The following CNTRL variants were observed in gnomAD, a reference collection of about 807,000 sequenced individuals.
CNTRL encodes the protein 110 kDa centrosomal protein.
Under a neutral mutation model 303.7 loss-of-function variants are expected in CNTRL, and 233 were observed. That is an observed-to-expected ratio of 0.77 (90% CI 0.69 to 0.86). The LOEUF is 0.86. CNTRL is among the 40% of genes least tolerant of loss of function. The pLI, the probability that CNTRL is intolerant of heterozygous loss-of-function variation, is 0.00. For missense variants in CNTRL, 2,524 were observed against 2,650.6 expected (o/e 0.95, Z 1.05); for synonymous variants, 900 against 922.2 (o/e 0.98, Z 0.44).
chr9:121,157,560 G>A lies in CNTRL; in HGVS notation c.4456G>A (p.Glu1486Lys), dbSNP rs752652281. ...DAEELERRAQ[E>K]TAVNLVKADQ... ...TGAGGAATTAGAAAGGAGAGCTCAGGAAACTGCTGTTAACCTCGTCAAAGC... is the reference window on the plus strand; with the variant it reads ...TGAGGAATTAGAAAGGAGAGCTCAGAAAACTGCTGTTAACCTCGTCAAAGC... The change falls in exon 28 of 44, where the codon GAA (glutamate) becomes AAA (lysine). Residue 1486 changes from glutamate to lysine, a missense_variant. Coordinates refer to ENST00000373855, the MANE Select transcript of CNTRL (RefSeq NM_007018.6). 6.2e-7 allele frequency: 1 copy of A among 1,614,174 alleles called. No homozygotes were observed. The highest frequency in any genetic ancestry group is 1.1e-5 in the South Asian group (1 of 91,078).
Position 121,157,534 on chromosome 9 carries a change from C to G in CNTRL, c.4430C>G (p.Ala1477Gly). Residue 1477 changes from alanine (A) to glycine (G), a missense_variant, in exon 28 of 44, where the codon GCT becomes GGT. Ala to Gly is a moderately conservative substitution (Grantham distance 60). Coordinates refer to ENST00000373855, the MANE Select transcript of CNTRL (RefSeq NM_007018.6). ...AGTTTATTGCAAACTGAGTCAGATGCTGAGGAATTAGAAAGGAGAGCTCAG... is the reference window on the plus strand; with the variant it reads ...AGTTTATTGCAAACTGAGTCAGATGGTGAGGAATTAGAAAGGAGAGCTCAG... The part of the protein sequence containing the change: ...KRSLLQTESD[A>G]EELERRAQET... The G allele has an allele frequency of 6.2e-7, 1 of 1,614,052 alleles. No individual in the cohort carries two copies. The highest frequency in any genetic ancestry group is 1.1e-5 in the South Asian group (1 of 91,078).
chr9:121,137,024 TGAG>T (rs1187774396), intron 15 of CNTRL, among the ~76,000 whole-genome samples: 1 of 151,638 alleles, frequency 6.6e-6, no homozygotes, highest in South Asian at 2.1e-4. Flanking sequence ...GGCAGAGAGG[TGAG>T]GAGAGAGAGC....
intron 4 of CNTRL, among the ~76,000 whole-genome samples, chr9:121,090,936 A>T (rs2048542937): frequency 6.6e-6 from 1 of 152,212 alleles, no homozygotes; most frequent in South Asian, 2.1e-4. Flanking sequence ...TGGAAGGCAA[A>T]GAGGAGCAAG....
intron 2 of CNTRL, among the ~76,000 whole-genome samples, chr9:121,088,036 G>A (rs1228202950): frequency 2.6e-5 from 4 of 152,134 alleles, no homozygotes; most frequent in Non-Finnish European, 5.9e-5. Flanking sequence ...GGACTAGTTT[G>A]GTTCAATAAA....
At chr9:121,109,061 C>T (rs577674888) in intron 8 of CNTRL, among the ~76,000 whole-genome samples, 4 of 152,220 alleles carry the variant, frequency 2.6e-5, no homozygotes, top group African/African-American at 9.6e-5. Context: ...TCCAGGACAC[C>T]CCCATGGATA....
chr9:121,125,898 C>A lies in CNTRL; in HGVS notation c.1987C>A (p.Leu663Met), dbSNP rs764741357. ...AGAAGTCGAGCAGGAGAGAGACCAG[C>A]TGGAAATAGTTGCCATGGATGCAGA... Reference protein sequence around the residue: ...LTEVEQERDQLEIVAMDAENM... With the variant: ...LTEVEQERDQMEIVAMDAENM... Residue 663 changes from leucine to methionine, a missense_variant, in exon 14 of 44, where the codon CTG (leucine) becomes ATG (methionine). Leu to Met is a conservative substitution (Grantham distance 15, BLOSUM62 2). Transcript: ENST00000373855. The A allele has an allele frequency of 2.4e-5, 38 of 1,614,024 alleles. No homozygotes were observed. Among genetic ancestry groups the A allele is most frequent in the Non-Finnish European group, 2.8e-5 (33 of 1,180,026 alleles).
intron 21 of CNTRL, 109 bp from the exon 22 acceptor site, chr9:121,145,135 A>C: frequency 1.5e-6 from 2 of 1,325,194 alleles, no homozygotes; most frequent in Non-Finnish European, 2.1e-6. Context: ...CAGTTTCCTC[A>C]CTGGGAAAGT....
At chr9:121,160,454 T>A in intron 32 of CNTRL, 152 bp downstream of exon 32, 2 of 467,660 alleles carry the variant, frequency 4.3e-6, no homozygotes, top group Non-Finnish European at 7.5e-6. Flanking sequence ...GAATATGATA[T>A]TTTCTGCCAT....
chr9:121,115,217 C>G lies in CNTRL; in HGVS notation c.1455+17C>G, dbSNP rs993004446. On this transcript the variant is annotated intron_variant, in intron 11 of 43. Transcript: ENST00000373855. Reference sequence around the variant, plus strand: ...CTAAAAAAGGTATGTAAAAGCAAAGCAGCAATGCTAAGAGGAAATGAAAAA... The same window carrying G: ...CTAAAAAAGGTATGTAAAAGCAAAGGAGCAATGCTAAGAGGAAATGAAAAA... 5 of 1,327,978 alleles carry G rather than the reference C, an allele frequency of 3.8e-6. No individual in the cohort carries two copies. The highest frequency in any genetic ancestry group is 5.4e-6 in the Non-Finnish European group (5 of 931,370). 82.3% of individuals were successfully genotyped at this position (1,327,978 alleles called of 1,614,324 possible). A position where few individuals can be genotyped will look rare whatever the true frequency, so the allele number is the denominator to read the frequency against.
chr9:121,144,080 G>A lies in CNTRL; in HGVS notation c.3049G>A (p.Glu1017Lys). Residue 1017 changes from glutamate to lysine, a missense_variant and splice_region_variant, in exon 20 of 44, where the codon GAG (glutamate) becomes AAG (lysine). Glu to Lys is a moderately conservative substitution (Grantham distance 56). Transcript: ENST00000373855. ...TVMKINQERA[E>K]ELQEAERFSR... is the part of the protein sequence containing the mutation. Reference sequence around the variant, plus strand: ...TATGAAAATTAACCAGGAGCGAGCAGAGGTGAGTTCACATGTACAGAACAG... The same window carrying A: ...TATGAAAATTAACCAGGAGCGAGCAAAGGTGAGTTCACATGTACAGAACAG... 6.2e-7 allele frequency: 1 copy of A among 1,607,256 alleles called. No homozygotes were observed. Among genetic ancestry groups the A allele is most frequent in the Middle Eastern group, 1.7e-4 (1 of 6,024 alleles).
At chr9:121,137,811 A>G (rs1405558993) in intron 15 of CNTRL, among the ~76,000 whole-genome samples, 1 of 152,214 alleles carries the variant, frequency 6.6e-6, no homozygotes, top group Non-Finnish European at 1.5e-5. Flanking sequence ...CTAGCTTGAA[A>G]TACACTGTCC....
intron 31 of CNTRL, 74 bp from the exon 32 acceptor site, chr9:121,160,069 A>G: frequency 1.7e-6 from 2 of 1,154,530 alleles, no homozygotes; most frequent in Admixed American, 3.0e-5. Flanking sequence ...AAAACAATAA[A>G]TAACAGAACT....
intron 8 of CNTRL, among the ~76,000 whole-genome samples, chr9:121,108,555 C>CT (rs577205059): frequency 4.0e-5 from 6 of 150,978 alleles, no homozygotes; most frequent in East Asian, 1.9e-4. Context: ...GAAGTTTTTG[C>CT]TTTTTTTTTC....
At chr9:121,119,944 G>A (rs996113380) in intron 12 of CNTRL, among the ~76,000 whole-genome samples, 9 of 152,086 alleles carry the variant, frequency 5.9e-5, no homozygotes, top group Admixed American at 5.2e-4. Context: ...ACATTCTCTG[G>A]AATGTTTCTT....
intron 4 of CNTRL, 98 bp from the exon 5 acceptor site, chr9:121,094,790 A>G: frequency 5.6e-6 from 5 of 888,948 alleles, no homozygotes; most frequent in Non-Finnish European, 8.5e-6. Context: ...TTATTTTCTG[A>G]TGACTGATCA....
At position 121,173,274 on chromosome 9, in the gene CNTRL, A is replaced by G. The variant is rs1203185704; in HGVS notation, c.6449A>G (p.Gln2150Arg). Reference protein sequence around the residue: ...MANQKDLERRQMEISDAMRTL... With the variant: ...MANQKDLERRRMEISDAMRTL... ...AACCAAAAAGATTTGGAGAGAAGAC[A>G]AATGGAAATCAGTGATGCAATGAGG... is the stretch of plus-strand genomic sequence containing the variant. Residue 2150 changes from glutamine (Q) to arginine (R), a missense_variant, in exon 41 of 44, where the codon CAA becomes CGA. Coordinates refer to ENST00000373855, the MANE Select transcript of CNTRL (RefSeq NM_007018.6). 1.9e-6 allele frequency: 3 copies of G among 1,612,396 alleles called. No individual in the cohort carries two copies. The highest frequency in any genetic ancestry group is 2.5e-6 in the Non-Finnish European group (3 of 1,179,018).
chr9:121,140,674 G>T lies in CNTRL; in HGVS notation c.2371G>T (p.Asp791Tyr). ...TAATCTGTTAAAACAGCAACTTAAA[G>T]ATTTCCAGAATCACCTTAACCATGT... ...DNNLLKQQLKDFQNHLNHVVD... is the reference protein window; with the variant it reads ...DNNLLKQQLKYFQNHLNHVVD... Residue 791 changes from aspartate to tyrosine, a missense_variant, in exon 17 of 44, where the codon GAT (aspartate) becomes TAT (tyrosine). Transcript: ENST00000373855. The T allele has an allele frequency of 6.2e-7, 1 of 1,613,082 alleles. No individual in the cohort carries two copies.
intron 16 of CNTRL, 56 bp downstream of exon 16, chr9:121,138,735 T>C: frequency 5.7e-6 from 9 of 1,569,298 alleles, no homozygotes; most frequent in Non-Finnish European, 7.8e-6. Context: ...AAGATGATGA[T>C]ATCTTTAGTC....
rs2053385663 is a variant in CNTRL, at chr9:121,173,318, A to G, written c.6493A>G (p.Lys2165Glu). ...DAMRTLKSEV[K>E]DEIRTSLKNL... is the part of the protein sequence containing the mutation. ...AATGAGGACACTTAAATCTGAGGTGAAGGATGAAATCAGAACCAGCTTGAA... is the reference window on the plus strand; with the variant it reads ...AATGAGGACACTTAAATCTGAGGTGGAGGATGAAATCAGAACCAGCTTGAA... The change falls in exon 41 of 44, where the codon AAG becomes GAG. Residue 2165 changes from lysine (K) to glutamate (E), a missense_variant. Coordinates refer to ENST00000373855, the MANE Select transcript of CNTRL (RefSeq NM_007018.6). The G allele has an allele frequency of 6.2e-7, 1 of 1,614,156 alleles. No homozygotes were observed. The highest frequency in any genetic ancestry group is 1.3e-5 in the African/African-American group (1 of 75,050).
Sources: gnomAD v4.1 joint callset for allele counts (sites outside exome capture counted in the v4.1 genomes callset) on GRCh38, gnomAD v4.1.1 for gene constraint, MANE v1.5 for transcripts, NCBI Gene and HGNC (gene_info 2026-07-23, HGNC 2026-07-21) for gene names.